Variants in SMIM7 observed in about 807,000 individuals in gnomAD.
SMIM7 encodes small integral membrane protein 7.
A neutral mutation model predicts 13.3 loss-of-function variants in SMIM7; 12 were observed. The ratio of observed to expected loss-of-function variants is 0.90; its 90% CI spans 0.58 to 1.46. The LOEUF (loss-of-function observed/expected upper bound fraction) is 1.46. Ranked by LOEUF, SMIM7 falls within the 40% of genes most tolerant of loss-of-function variation. The pLI is 0.00. For synonymous variants in SMIM7, 36 were observed against 35.8 expected, an observed-to-expected ratio of 1.01 and a Z score of -0.02; for missense variants, 114 against 94.8, an observed-to-expected ratio of 1.20 and a Z score of -0.84.
intron 4 of SMIM7, among the ~76,000 whole-genome samples, chr19:16,635,468 T>C (rs2086351824): frequency 6.7e-6 from 1 of 149,994 alleles, no homozygotes; most frequent in South Asian, 2.1e-4. Context: ...AGGACCAAGG[T>C]GCTGATGTCC....
At position 16,654,096 on chromosome 19, in the gene SMIM7, G is replaced by A. The variant is rs181513246; in HGVS notation, c.151C>T (p.Leu51Phe). ...GCGATGAAGATTCGAAAGTATCTGA[G>A]GCTCAGCAAGAATTCCCGGATGTTG... is the stretch of plus-strand genomic sequence containing the variant. ...GDNIREFLLS[L>F]RYFRIFIALW... The change falls in exon 4 of 5, where the codon CTC (leucine) becomes TTC (phenylalanine). Residue 51 changes from leucine to phenylalanine, a missense_variant. Physicochemically the swap from Leu to Phe is conservative, Grantham distance 22. Coordinates refer to ENST00000487416, the MANE Select transcript of SMIM7 (RefSeq NM_024104.4). 3.1e-6 allele frequency: 5 copies of A among 1,614,100 alleles called. No individual in the cohort carries two copies. The East Asian group carries it at 8.9e-5, about 29-fold the overall frequency.
At position 16,659,427 on chromosome 19, in the gene SMIM7, C is replaced by T; in HGVS notation, c.89G>A (p.Gly30Asp). 6.2e-7 allele frequency: 1 copy of T among 1,613,800 alleles called. No individual in the cohort carries two copies. The highest frequency in any genetic ancestry group is 8.5e-7 in the Non-Finnish European group (1 of 1,179,924). The change falls in exon 3 of 5, where the codon GGC becomes GAC. Residue 30 changes from glycine to aspartate, a missense_variant. Physicochemically the swap from Gly to Asp is moderately conservative, Grantham distance 94. Coordinates refer to ENST00000487416, the MANE Select transcript of SMIM7 (RefSeq NM_024104.4). ...NFKLKKKDTQ[G>D]FGEESREPST... ...GGGCTCCCTGGACTCCTCCCCAAAG[C>T]CCTGCGTGTCCTTCTTTTTCCTACA...
At chr19:16,652,716 T>G (rs1599372336) in intron 4 of SMIM7, 1 of 1,435,874 alleles carries the variant, frequency 7.0e-7, no homozygotes, top group Non-Finnish European at 9.1e-7. Flanking sequence ...GCCACTGGGG[T>G]GGCACGCAGA....
chr19:16,654,270 C>A, intron 3 of SMIM7, 145 bp from the exon 4 acceptor site: 1 of 661,076 alleles, frequency 1.5e-6, no homozygotes, highest in Non-Finnish European at 2.7e-6. Context: ...TTTGGTTTCT[C>A]CCTCTTCCCT....
chr19:16,636,244 A>C (rs1229869199), intron 4 of SMIM7: 1 of 152,152 alleles, frequency 6.6e-6, no homozygotes, highest in Non-Finnish European at 1.5e-5. Flanking sequence ...GCAGCCTCTA[A>C]AAGCTGGAGA....
chr19:16,646,966 G>T lies in SMIM7; in HGVS notation c.*280C>A. 1 of 530,578 alleles carries T rather than the reference G, an allele frequency of 1.9e-6. No individual in the cohort carries two copies. The highest frequency in any genetic ancestry group is 1.9e-5 in the African/African-American group (1 of 52,320). The allele number at this position is 530,578 out of a possible 1,614,324, so 32.9% of individuals were successfully genotyped here. On this transcript the variant is annotated 3_prime_UTR_variant, in exon 5 of 5. Transcript: ENST00000487416. ...AGAAATGATTTTTCTTTTATCTATG[G>T]GGAATGCAATTTCATCACAGCCCCT...
In SMIM7 at chr19:16,659,377, G is replaced by A. The variant is rs761021319; in HGVS notation, c.121+18C>T. ...TCTGAAGTGGACCATGCAATTCCAG[G>A]ATCCAATTAGACCTTACCTGTGCTG... is the stretch of plus-strand genomic sequence containing the variant. On this transcript the variant is annotated intron_variant, in intron 3 of 4. Transcript: ENST00000487416. The A allele has an allele frequency of 2.0e-5, 32 of 1,612,956 alleles. No individual in the cohort carries two copies. The highest frequency in any genetic ancestry group is 1.7e-4 in the Middle Eastern group (1 of 6,056).
chr19:16,659,290 A>C, intron 3 of SMIM7, 105 bp downstream of exon 3: 1 of 1,040,742 alleles, frequency 9.6e-7, no homozygotes, highest in Non-Finnish European at 1.4e-6. Flanking sequence ...GTCAAAAAAA[A>C]AAAAAAAAAA....
At position 16,659,951 on chromosome 19, in the gene SMIM7, C is replaced by T. The variant is rs2086654244; in HGVS notation, c.68+8G>A. On this transcript the variant is annotated splice_region_variant and intron_variant, in intron 2 of 4. Coordinates refer to ENST00000487416, the MANE Select transcript of SMIM7 (RefSeq NM_024104.4). ...GATGGAGCCGCAGTCCGGCCGCGAC[C>T]TACTCACAGCTTAAAGTTCAGCACC... 3 of 1,603,824 alleles carry T rather than the reference C, an allele frequency of 1.9e-6. No homozygotes were observed. The highest frequency in any genetic ancestry group is 2.5e-6 in the Non-Finnish European group (3 of 1,177,972).
At chr19:16,650,763 G>A (rs921696708) in intron 4 of SMIM7, among the ~76,000 whole-genome samples, 2 of 150,924 alleles carry the variant, frequency 1.3e-5, no homozygotes, top group African/African-American at 4.9e-5. Context: ...ACCATGCCCA[G>A]GCTCTGCCAA....
At chr19:16,641,239 G>A (rs1048564484), downstream of SMIM7, 1 of 151,586 alleles carries the variant, frequency 6.6e-6, no homozygotes, top group Non-Finnish European at 1.5e-5. Context: ...TATGGAGGTT[G>A]CTAAAGCAAT....
chr19:16,635,680 G>C (rs1317936157), intron 4 of SMIM7, among the ~76,000 whole-genome samples: 1 of 151,734 alleles, frequency 6.6e-6, no homozygotes, highest in Non-Finnish European at 1.5e-5. Flanking sequence ...TCAGGAGTTT[G>C]AGACCAGCCT....
At chr19:16,655,559 T>C (rs1406086745) in intron 3 of SMIM7, among the ~76,000 whole-genome samples, 1 of 151,244 alleles carries the variant, frequency 6.6e-6, no homozygotes, top group Non-Finnish European at 1.5e-5. Context: ...TGCATGACTG[T>C]AATCCCAGCT....
intron 4 of SMIM7, among the ~76,000 whole-genome samples, chr19:16,639,742 C>G (rs1793809409): frequency 6.6e-6 from 1 of 152,112 alleles, no homozygotes; most frequent in Admixed American, 6.6e-5. Context: ...ATAGTAAGTT[C>G]TCACGAGATC....
downstream of SMIM7, among the ~76,000 whole-genome samples, chr19:16,643,109 ACT>A (rs1036239227): frequency 6.6e-6 from 1 of 151,770 alleles, no homozygotes; most frequent in Non-Finnish European, 1.5e-5. Context: ...GCCAAGTGAG[ACT>A]CTGTCTCTAA....
At chr19:16,642,609 G>A (rs957265033), downstream of SMIM7, among the ~76,000 whole-genome samples, 1 of 152,074 alleles carries the variant, frequency 6.6e-6, no homozygotes, top group Non-Finnish European at 1.5e-5. Context: ...TGGAGGCCAA[G>A]GTGGGAGGTT....
intron 4 of SMIM7, chr19:16,652,409 C>T: frequency 2.9e-6 from 1 of 346,362 alleles, no homozygotes; most frequent in Non-Finnish European, 4.1e-6. Context: ...ACCATGCTGC[C>T]CAGGCTGGTC....
chr19:16,653,029 C>T (rs1033536748), intron 4 of SMIM7: 1 of 1,519,850 alleles, frequency 6.6e-7, no homozygotes, highest in Admixed American at 2.0e-5. Flanking sequence ...TGGCTTCCAG[C>T]CCAGGTGGAG....
intron 4 of SMIM7, among the ~76,000 whole-genome samples, chr19:16,631,964 G>A (rs1024696444): frequency 6.6e-6 from 1 of 151,618 alleles, no homozygotes; most frequent in Non-Finnish European, 1.5e-5. Context: ...CCGCCTTTCA[G>A]GTTCAAGCGA....
Sources: gnomAD v4.1 joint callset for allele counts (sites outside exome capture counted in the v4.1 genomes callset) on GRCh38, gnomAD v4.1.1 for gene constraint, MANE v1.5 for transcripts, NCBI Gene and HGNC (gene_info 2026-07-23, HGNC 2026-07-21) for gene names.